The following SCUBE2 variants were observed in gnomAD, a reference collection of about 807,000 sequenced individuals.
SCUBE2 encodes the protein signal peptide, CUB and EGF-like domain-containing protein 2.
Under a neutral mutation model 125.9 loss-of-function variants are expected in SCUBE2, and 114 were observed. The observed-to-expected ratio is 0.91, with a 90% CI of 0.78 to 1.06. The LOEUF (loss-of-function observed/expected upper bound fraction) is 1.06, where lower values mean the gene tolerates loss of function less well. Among genes scored for constraint, SCUBE2 ranks in the 50% least tolerant of loss-of-function variants. SCUBE2 has a pLI of 0.00. For synonymous variants in SCUBE2, 459 were observed against 492.9 expected (o/e 0.93, Z 0.91); for missense variants, 1,255 against 1,301.8 (o/e 0.96, Z 0.55).
At chr11:9,067,046 C>G (rs72549209) in intron 5 of SCUBE2, among the ~76,000 whole-genome samples, 55 of 152,198 alleles carry the variant, frequency 3.6e-4, no homozygotes, top group African/African-American at 1.3e-3. Context: ...CAAAGTCATA[C>G]AGGAAGAGGG....
intron 2 of SCUBE2, among the ~76,000 whole-genome samples, chr11:9,082,508 C>T (rs1207988872): frequency 3.3e-5 from 5 of 152,128 alleles, no homozygotes; most frequent in African/African-American, 4.8e-5. Context: ...TATGTCTATA[C>T]AAAGACTTTC....
intron 1 of SCUBE2, 46 bp from the exon 2 acceptor site, chr11:9,089,875 G>A: frequency 6.2e-7 from 1 of 1,602,652 alleles, no homozygotes; most frequent in Non-Finnish European, 8.5e-7. Flanking sequence ...CCCAGGCCAT[G>A]TGTGATCTGG....
chr11:9,030,661 C>T lies in SCUBE2; in HGVS notation c.2341+97G>A, dbSNP rs1856226123. Reference sequence around the variant, plus strand: ...ACCTGAACCCCCAGCCACTGGGGCACTGCATCAGGCTGGGCTTGACTGGAG... The same window carrying T: ...ACCTGAACCCCCAGCCACTGGGGCATTGCATCAGGCTGGGCTTGACTGGAG... On this transcript the variant is annotated intron_variant, in intron 18 of 22. Transcript: ENST00000649792. 2.3e-6 allele frequency: 3 copies of T among 1,277,268 alleles called. No homozygotes were observed. In the Admixed American group the frequency reaches 6.1e-5, roughly 26 times the overall value. The allele number at this position is 1,277,268 out of a possible 1,614,324, so 79.1% of individuals were successfully genotyped here.
At chr11:9,035,833 T>C (rs1031928989) in intron 16 of SCUBE2, among the ~76,000 whole-genome samples, 1 of 151,536 alleles carries the variant, frequency 6.6e-6, no homozygotes, top group Non-Finnish European at 1.5e-5. Flanking sequence ...ATCTTAATAC[T>C]CATATTTCTT....
chr11:9,065,844 GA>G, intron 7 of SCUBE2, 46 bp downstream of exon 7: 1 of 1,530,074 alleles, frequency 6.5e-7, no homozygotes, highest in Non-Finnish European at 9.1e-7. Flanking sequence ...GTTGGGGAGG[GA>G]AAAGGACAAT....
Position 9,066,678 on chromosome 11 carries a change from T to G in SCUBE2, c.760+19A>C. ...CAGGCTGGTGCAGACCCTCACTCAG[T>G]GTTGGGGTTGCCACTCACCAAGGCA... On this transcript the variant is annotated intron_variant, in intron 6 of 22. Coordinates refer to ENST00000649792, the MANE Select transcript of SCUBE2 (RefSeq NM_001367977.2). The G allele has an allele frequency of 6.3e-7, 1 of 1,587,448 alleles. No homozygotes were observed.
chr11:9,047,904 C>T (rs1187382948), intron 15 of SCUBE2, 39 bp downstream of exon 15: 11 of 1,571,364 alleles, frequency 7.0e-6, no homozygotes, highest in East Asian at 2.3e-5. Flanking sequence ...AGGAGCAAGC[C>T]GTGAGAAGCC....
chr11:9,022,284 T>C (rs139243701), intron 21 of SCUBE2, among the ~76,000 whole-genome samples: 1 of 152,314 alleles, frequency 6.6e-6, no homozygotes, highest in Non-Finnish European at 1.5e-5. Context: ...TTCTGCTCTT[T>C]CTTTCCTACA....
chr11:9,063,714 G>A (rs1859907072), intron 7 of SCUBE2, among the ~76,000 whole-genome samples: 2 of 152,220 alleles, frequency 1.3e-5, no homozygotes, highest in African/African-American at 4.8e-5. Flanking sequence ...GAGCGGCAAA[G>A]GGAATTGTAG....
intron 11 of SCUBE2, 113 bp from the exon 12 acceptor site, chr11:9,053,328 C>T (rs1858629025): frequency 2.3e-6 from 2 of 877,700 alleles, no homozygotes; most frequent in Non-Finnish European, 3.7e-6. Flanking sequence ...GAGCTCATGC[C>T]CAGCACAGAA....
intron 14 of SCUBE2, 133 bp from the exon 15 acceptor site, chr11:9,048,231 A>G: frequency 1.2e-6 from 1 of 809,042 alleles, no homozygotes; most frequent in Non-Finnish European, 1.9e-6. Context: ...ATGCCAAGAC[A>G]CTGCAAGCCC....
intron 13 of SCUBE2, 48 bp downstream of exon 13, chr11:9,052,698 C>T: frequency 1.4e-6 from 2 of 1,395,598 alleles, no homozygotes; most frequent in African/African-American, 2.8e-5. Context: ...AATGAAGCCC[C>T]TTGAACACAG....
chr11:9,082,657 G>C (rs923110267), intron 2 of SCUBE2, among the ~76,000 whole-genome samples: 7 of 152,342 alleles, frequency 4.6e-5, no homozygotes, highest in Non-Finnish European at 7.3e-5. Context: ...TGAATGAAAT[G>C]CTGATATAAG....
Position 9,019,717 on chromosome 11 carries a change from T to A in SCUBE2, c.*1328A>T, listed in dbSNP as rs1028673236. On this transcript the variant is annotated 3_prime_UTR_variant, in exon 23 of 23. Coordinates refer to ENST00000649792, the MANE Select transcript of SCUBE2 (RefSeq NM_001367977.2). ...TCTTCAAAAATGCTTGTTAAACATT[T>A]TTTTAGTACTTTGGTATGGAGAATT... 1.4e-4 allele frequency among the ~76,000 whole-genome samples: 22 copies of A among 152,208 alleles called. No homozygotes were observed. Among genetic ancestry groups the A allele is most frequent in the African/African-American group, 5.1e-4 (21 of 41,456 alleles).
intron 2 of SCUBE2, among the ~76,000 whole-genome samples, chr11:9,087,485 T>C (rs1862193412): frequency 6.6e-6 from 1 of 151,954 alleles, no homozygotes; most frequent in Admixed American, 6.6e-5. Context: ...TGGGGAGAGA[T>C]AGCCTTTTGG....
rs150678119 is a variant in SCUBE2 at position 9,051,537 on chromosome 11, C to G, written c.1535-827G>C. On this transcript the variant is annotated intron_variant, in intron 13 of 22. Coordinates refer to ENST00000649792, the MANE Select transcript of SCUBE2 (RefSeq NM_001367977.2). ...GGGAGTGAGGGTCCCACTGTGAGAG[C>G]CTGATGTGCAAAATTCTGTTCTCCT... 1.1e-4 allele frequency among the ~76,000 whole-genome samples: 17 copies of G among 152,216 alleles called. 1 individual carries two copies. The East Asian group carries it at 3.3e-3, about 29-fold the overall frequency.
chr11:9,079,266 G>A, intron 3 of SCUBE2, 118 bp downstream of exon 3: 1 of 1,099,634 alleles, frequency 9.1e-7, no homozygotes, highest in Non-Finnish European at 1.3e-6. Context: ...TGACTTCCAA[G>A]GGAGCAGAAA....
intron 15 of SCUBE2, 75 bp from the exon 16 acceptor site, chr11:9,047,637 G>A (rs1857932047): frequency 5.6e-6 from 8 of 1,438,512 alleles, no homozygotes; most frequent in Middle Eastern, 2.1e-4. Flanking sequence ...ATCAACTGCA[G>A]GCCCTACCAA....
chr11:9,044,268 G>A (rs1857497837), intron 16 of SCUBE2, among the ~76,000 whole-genome samples: 1 of 152,094 alleles, frequency 6.6e-6, no homozygotes, highest in Non-Finnish European at 1.5e-5. Flanking sequence ...TTTTTATTTT[G>A]TTAAGATAGG....
Sources: allele counts gnomAD v4.1 joint callset (sites outside exome capture counted in the v4.1 genomes callset), GRCh38; gene constraint gnomAD v4.1.1; transcripts MANE v1.5; gene names NCBI Gene and HGNC (gene_info 2026-07-23, HGNC 2026-07-21).